Variants in DPYD observed in about 807,000 individuals in gnomAD.
The protein encoded by DPYD is dihydropyrimidine dehydrogenase, also known as dihydropyrimidine dehydrogenase [NADP(+)].
DPYD carries 109 observed loss-of-function variants against 116.2 expected under a neutral mutation model. That is an observed-to-expected ratio of 0.94 (90% confidence interval 0.80 to 1.10). The LOEUF is 1.10. Ranked by LOEUF, DPYD falls within the 50% of genes least tolerant of loss-of-function variation. DPYD has a pLI of 0.00. For missense variants in DPYD, 1,302 were observed against 1,254.5 expected (o/e 1.04, Z -0.57); for synonymous variants, 440 against 432.0 (o/e 1.02, Z -0.23).
At chr1:97,286,617 T>C (rs1381172360) in intron 18 of DPYD, among the ~76,000 whole-genome samples, 1 of 152,154 alleles carries the variant, frequency 6.6e-6, no homozygotes, top group East Asian at 1.9e-4. Flanking sequence ...CTTTGTTCAT[T>C]TCTTTTTATT....
At chr1:97,208,153 CTTTCT>C (rs1570672348) in intron 19 of DPYD, among the ~76,000 whole-genome samples, 1 of 151,794 alleles carries the variant, frequency 6.6e-6, no homozygotes, top group Non-Finnish European at 1.5e-5. Flanking sequence ...TTTTTCCTCT[CTTTCT>C]TTTTTCTTTT....
chr1:97,322,632 G>A lies in DPYD; in HGVS notation c.2059-16335C>T, dbSNP rs537370984. ...CCTTGAATATATTTATTACACTCATGTGGTGGTTTATAAGCATACATGTCA... is the reference window on the plus strand; with the variant it reads ...CCTTGAATATATTTATTACACTCATATGGTGGTTTATAAGCATACATGTCA... On this transcript the variant is annotated intron_variant, in intron 16 of 22. Coordinates refer to ENST00000370192, the MANE Select transcript of DPYD (RefSeq NM_000110.4). The A allele has an allele frequency of 3.3e-5, 5 of 152,058 alleles. No individual in the cohort carries two copies. The East Asian group carries it at 9.7e-4, about 30-fold the overall frequency. 9.4% of individuals were successfully genotyped at this position (152,058 alleles called of 1,614,324 possible).
chr1:97,152,927 C>A (rs909045620), intron 20 of DPYD, among the ~76,000 whole-genome samples: 2 of 151,936 alleles, frequency 1.3e-5, no homozygotes, highest in Admixed American at 1.3e-4. Context: ...TTTAGAAATC[C>A]CTTCTCATTG....
chr1:97,873,116 G>A (rs1342513799), intron 2 of DPYD, among the ~76,000 whole-genome samples: 2 of 151,978 alleles, frequency 1.3e-5, no homozygotes, highest in Middle Eastern at 3.4e-3. Flanking sequence ...CGTGAAATGA[G>A]GTTAACACCT....
At chr1:97,119,551 T>C (rs1557873899) in intron 20 of DPYD, among the ~76,000 whole-genome samples, 2 of 152,106 alleles carry the variant, frequency 1.3e-5, no homozygotes, top group South Asian at 2.1e-4. Flanking sequence ...TTTGTTAGGA[T>C]TCTCAATATC....
intron 1 of DPYD, among the ~76,000 whole-genome samples, chr1:97,903,776 A>T (rs1449671640): frequency 6.6e-6 from 1 of 151,992 alleles, no homozygotes. Flanking sequence ...AACTTTAGGC[A>T]GCCTTTTAAA....
chr1:97,779,181 A>G (rs532512845), intron 3 of DPYD, among the ~76,000 whole-genome samples: 45 of 152,280 alleles, frequency 3.0e-4, no homozygotes, highest in Non-Finnish European at 6.2e-4. Context: ...AAATCCAAGA[A>G]TCAGGCATAT....
At chr1:97,750,510 T>C (rs1304520164) in intron 3 of DPYD, among the ~76,000 whole-genome samples, 1 of 152,220 alleles carries the variant, frequency 6.6e-6, no homozygotes, top group Non-Finnish European at 1.5e-5. Context: ...TAAGTAAGTA[T>C]AACTTACGTT....
At chr1:97,285,683 A>T (rs1185353692) in intron 18 of DPYD, among the ~76,000 whole-genome samples, 5 of 138,500 alleles carry the variant, frequency 3.6e-5, no homozygotes, top group African/African-American at 5.3e-5. Context: ...TGTTCCTTTA[A>T]TTTTTTTTTT....
At chr1:97,366,837 G>T (rs1159032940) in intron 16 of DPYD, among the ~76,000 whole-genome samples, 2 of 152,114 alleles carry the variant, frequency 1.3e-5, no homozygotes, top group Admixed American at 6.6e-5. Context: ...TAAGTTTGTT[G>T]TATTTTACAA....
intron 18 of DPYD, among the ~76,000 whole-genome samples, chr1:97,286,671 C>G (rs1265292790): frequency 3.3e-5 from 5 of 152,162 alleles, no homozygotes; most frequent in Non-Finnish European, 7.3e-5. Context: ...TCATTCATTT[C>G]ATCTTCCATC....
intron 3 of DPYD, among the ~76,000 whole-genome samples, chr1:97,808,050 C>A (rs1325392125): frequency 6.6e-6 from 1 of 152,078 alleles, no homozygotes; most frequent in Non-Finnish European, 1.5e-5. Flanking sequence ...TGGGTACTGT[C>A]AATTCTCAGA....
chr1:97,779,150 C>T (rs1292755230), intron 3 of DPYD, among the ~76,000 whole-genome samples: 1 of 151,998 alleles, frequency 6.6e-6, no homozygotes, highest in East Asian at 1.9e-4. Context: ...ATAATTTTGA[C>T]ATGGTTTCAC....
At chr1:97,831,009 C>G (rs528059427) in intron 2 of DPYD, among the ~76,000 whole-genome samples, 4 of 152,128 alleles carry the variant, frequency 2.6e-5, no homozygotes, top group Non-Finnish European at 5.9e-5. Flanking sequence ...ATGTTTTACA[C>G]TTTGTGTCTG....
At chr1:97,342,576 G>A (rs760716070) in intron 16 of DPYD, among the ~76,000 whole-genome samples, 2 of 152,096 alleles carry the variant, frequency 1.3e-5, no homozygotes, top group Non-Finnish European at 2.9e-5. Context: ...TGACAAATAT[G>A]CGTATCAAAG....
At chr1:97,291,080 G>GA (rs1328204887) in intron 18 of DPYD, among the ~76,000 whole-genome samples, 1 of 152,164 alleles carries the variant, frequency 6.6e-6, no homozygotes, top group Admixed American at 6.5e-5. Context: ...TCAGACAAAT[G>GA]AAAAAATGCT....
intron 1 of DPYD, among the ~76,000 whole-genome samples, chr1:97,887,469 T>TAAAAAAAAAAAAAAAAAAAAAAAAAAA (rs57316508): frequency 2.1e-5 from 1 of 47,150 alleles, no homozygotes; most frequent in Non-Finnish European, 3.9e-5. Context: ...GACTCTGCAT[T>TAAAAAAAAAAAAAAAAAAAAAAAAAAA]AAAAAAAAAA....
chr1:97,657,022 C>A (rs1397540843), intron 8 of DPYD, among the ~76,000 whole-genome samples: 1 of 145,448 alleles, frequency 6.9e-6, no homozygotes, highest in Non-Finnish European at 1.5e-5. Context: ...GGCTGGAGTG[C>A]AGCAGCATGA....
chr1:97,470,766 G>A (rs1677602516), intron 13 of DPYD, among the ~76,000 whole-genome samples: 2 of 152,312 alleles, frequency 1.3e-5, no homozygotes, highest in African/African-American at 2.4e-5. Flanking sequence ...GGGAGGCCAA[G>A]ACAGGCAGAT....
Sources: gnomAD v4.1 joint callset for allele counts (sites outside exome capture counted in the v4.1 genomes callset) on GRCh38, gnomAD v4.1.1 for gene constraint, MANE v1.5 for transcripts, NCBI Gene and HGNC (gene_info 2026-07-23, HGNC 2026-07-21) for gene names.